BCAP29: variants seen among roughly 807,000 people sequenced by gnomAD.
The protein encoded by BCAP29 is B cell receptor associated protein 29.
Under a neutral mutation model 31.8 loss-of-function variants are expected in BCAP29, and 34 were observed. The ratio of observed to expected loss-of-function variants is 1.07; its 90% confidence interval spans 0.81 to 1.42. The LOEUF is 1.42. BCAP29 is among the 40% of genes most tolerant of loss of function. The pLI is 0.00. For missense variants in BCAP29, 314 were observed against 269.2 expected, an observed-to-expected ratio of 1.17 and a Z score of -1.16; for synonymous variants, 104 against 91.3, an observed-to-expected ratio of 1.14 and a Z score of -0.79.
intron 6 of BCAP29, among the ~76,000 whole-genome samples, chr7:107,610,660 T>C (rs1388057296): frequency 2.6e-5 from 4 of 152,324 alleles, no homozygotes; most frequent in Middle Eastern, 3.4e-3. Flanking sequence ...ATTTTATACC[T>C]TGGCTTAGTA....
chr7:107,613,483 C>T, intron 7 of BCAP29, 51 bp downstream of exon 7: 1 of 1,415,936 alleles, frequency 7.1e-7, no homozygotes, highest in South Asian at 1.2e-5. Flanking sequence ...ATAGTAATTA[C>T]CTAAGTAAAT....
In BCAP29 at chr7:107,612,391, TTATATATA is replaced by T. The variant is rs36213596; in HGVS notation, c.590-899_590-892del. On this transcript the variant is annotated intron_variant, in intron 6 of 7. Coordinates refer to ENST00000005259, the MANE Select transcript of BCAP29 (RefSeq NM_018844.4). ...AGCACCTTCTTCACAATGTATTGTT[TTATATATA>T]TATATATATATATATATATATATAT... 2.8e-3 allele frequency among the ~76,000 whole-genome samples: 86 copies of T among 30,864 alleles called. 1 individual carries two copies. The highest frequency in any genetic ancestry group is 0.016 in the Middle Eastern group (1 of 64). 20.2% of individuals were successfully genotyped at this position (30,864 alleles called of 152,430 possible).
At chr7:107,585,457 A>T (rs1194157358) in intron 3 of BCAP29, among the ~76,000 whole-genome samples, 1 of 152,228 alleles carries the variant, frequency 6.6e-6, no homozygotes, top group South Asian at 2.1e-4. Context: ...TCAGTAAAGA[A>T]CAATAAGGAA....
chr7:107,608,731 A>C (rs1475012666), intron 6 of BCAP29, among the ~76,000 whole-genome samples: 1 of 152,100 alleles, frequency 6.6e-6, no homozygotes, highest in Non-Finnish European at 1.5e-5. Flanking sequence ...GGCTATCCTG[A>C]GTATTTTGGT....
chr7:107,597,060 G>T (rs1809989780), intron 5 of BCAP29, among the ~76,000 whole-genome samples: 1 of 152,248 alleles, frequency 6.6e-6, no homozygotes, highest in Middle Eastern at 3.4e-3. Flanking sequence ...GAAAGTCTTT[G>T]AGCAGCACAT....
intron 6 of BCAP29, among the ~76,000 whole-genome samples, chr7:107,603,659 G>A (rs1040560863): frequency 6.9e-6 from 1 of 145,626 alleles, no homozygotes; most frequent in Non-Finnish European, 1.5e-5. Flanking sequence ...AGGTGGGAGT[G>A]CAGTGGTGCA....
At chr7:107,607,770 G>A (rs1191729397) in intron 6 of BCAP29, among the ~76,000 whole-genome samples, 2 of 151,624 alleles carry the variant, frequency 1.3e-5, no homozygotes, top group African/African-American at 4.8e-5. Flanking sequence ...CTCCCGAGCA[G>A]CTGGGATTAC....
At chr7:107,584,695 C>T (rs900555592) in intron 3 of BCAP29, among the ~76,000 whole-genome samples, 1 of 151,996 alleles carries the variant, frequency 6.6e-6, no homozygotes, top group African/African-American at 2.4e-5. Context: ...CAAGATCCTT[C>T]CTTAAAAAAA....
chr7:107,604,266 T>C (rs1811686443), intron 6 of BCAP29, among the ~76,000 whole-genome samples: 1 of 152,178 alleles, frequency 6.6e-6, no homozygotes, highest in South Asian at 2.1e-4. Context: ...CCCTTGAAGA[T>C]GTTAAGTTTT....
At chr7:107,596,484 A>G (rs1200489368) in intron 5 of BCAP29, among the ~76,000 whole-genome samples, 1 of 152,220 alleles carries the variant, frequency 6.6e-6, no homozygotes, top group Non-Finnish European at 1.5e-5. Context: ...TGAAATCTTT[A>G]ATGTTATTCC....
At chr7:107,612,113 A>G (rs1162219372) in intron 6 of BCAP29, among the ~76,000 whole-genome samples, 1 of 152,080 alleles carries the variant, frequency 6.6e-6, no homozygotes, top group Non-Finnish European at 1.5e-5. Context: ...ACTGGAACCT[A>G]TAATTTTATT....
chr7:107,592,254 AC>A (rs1475532190), intron 3 of BCAP29, among the ~76,000 whole-genome samples: 2 of 152,250 alleles, frequency 1.3e-5, no homozygotes, highest in Non-Finnish European at 2.9e-5. Flanking sequence ...AAAGCAAATA[AC>A]CCAATTTAAA....
At chr7:107,608,851 A>T (rs1563139551) in intron 6 of BCAP29, among the ~76,000 whole-genome samples, 1 of 152,208 alleles carries the variant, frequency 6.6e-6, no homozygotes, top group African/African-American at 2.4e-5. Flanking sequence ...CACACAAGTG[A>T]ATTTTTCAAA....
At chr7:107,592,448 G>C (rs559798171) in intron 3 of BCAP29, among the ~76,000 whole-genome samples, 5 of 152,312 alleles carry the variant, frequency 3.3e-5, no homozygotes, top group African/African-American at 1.2e-4. Context: ...TGTTGCTGAG[G>C]ATATGGAGAA....
intron 6 of BCAP29, among the ~76,000 whole-genome samples, chr7:107,610,089 G>A (rs755817272): frequency 2.6e-5 from 4 of 152,280 alleles, no homozygotes; most frequent in African/African-American, 7.2e-5. Flanking sequence ...GTAAGTGAAC[G>A]TTTGACACTT....
chr7:107,583,676 C>A lies in BCAP29; in HGVS notation c.93-206C>A, dbSNP rs185822737. On this transcript the variant is annotated intron_variant, in intron 2 of 7. Transcript: ENST00000005259. ...TTTAAGCCACCAGACAGAGGATAAT[C>A]AAATATCAGGTTATTATTAAATTTG... 2.5e-3 allele frequency among the ~76,000 whole-genome samples: 385 copies of A among 152,146 alleles called. 2 individuals are homozygous for A. The highest frequency in any genetic ancestry group is 9.1e-3 in the African/African-American group (378 of 41,526).
chr7:107,583,297 G>GTT (rs201547635), intron 2 of BCAP29, among the ~76,000 whole-genome samples: 2 of 149,372 alleles, frequency 1.3e-5, no homozygotes, highest in African/African-American at 5.1e-5. Flanking sequence ...TAATTACATG[G>GTT]TTTTATATAT....
intron 5 of BCAP29, among the ~76,000 whole-genome samples, chr7:107,600,016 A>G (rs1007186772): frequency 6.6e-6 from 1 of 152,192 alleles, no homozygotes; most frequent in Non-Finnish European, 1.5e-5. Flanking sequence ...TAGCTCTACA[A>G]TCAGAACATA....
chr7:107,599,049 T>TAA, intron 5 of BCAP29, among the ~76,000 whole-genome samples: 1 of 136,124 alleles, frequency 7.3e-6, no homozygotes, highest in African/African-American at 2.7e-5. Context: ...TGTATATATA[T>TAA]AAAATATATT....
Sources: allele counts gnomAD v4.1 joint callset (sites outside exome capture counted in the v4.1 genomes callset), GRCh38; gene constraint gnomAD v4.1.1; transcripts MANE v1.5; gene names NCBI Gene and HGNC (gene_info 2026-07-23, HGNC 2026-07-21).